The following PAFAH1B1 variants were observed in gnomAD, a reference collection of about 807,000 sequenced individuals.
PAFAH1B1 encodes the protein platelet-activating factor acetylhydrolase IB subunit beta.
In PAFAH1B1, 2 loss-of-function variants were observed where a neutral mutation model predicts 57.5. That is an observed-to-expected ratio of 0.03 (90% CI 0.01 to 0.11). The LOEUF is 0.11. Among genes scored for constraint, PAFAH1B1 ranks in the 10% least tolerant of loss-of-function variants. The probability of loss-of-function intolerance (pLI) is 1.00; values close to 1 mark genes in which losing one functional copy is unlikely to be tolerated. For missense variants in PAFAH1B1, 257 were observed against 512.0 expected, an observed-to-expected ratio of 0.50 and a Z score of 4.81; for synonymous variants, 152 against 169.6, an observed-to-expected ratio of 0.90 and a Z score of 0.81.
At chr17:2,626,445 A>G (rs565116564) in intron 1 of PAFAH1B1, among the ~76,000 whole-genome samples, 2 of 152,048 alleles carry the variant, frequency 1.3e-5, no homozygotes, top group African/African-American at 4.8e-5. Flanking sequence ...ACAGGCTGAA[A>G]TAATCTGAGT....
intron 1 of PAFAH1B1, among the ~76,000 whole-genome samples, chr17:2,610,021 C>T (rs924445922): frequency 6.6e-5 from 10 of 152,152 alleles, no homozygotes; most frequent in African/African-American, 1.2e-4. Flanking sequence ...GGCAGGGTTT[C>T]GCCATGTTGG....
At chr17:2,643,979 C>G (rs2068732694) in intron 2 of PAFAH1B1, among the ~76,000 whole-genome samples, 1 of 152,152 alleles carries the variant, frequency 6.6e-6, no homozygotes, top group African/African-American at 2.4e-5. Flanking sequence ...AGAGATCCTC[C>G]CACGTCAGTC....
chr17:2,645,132 G>A (rs1039315730), intron 2 of PAFAH1B1, among the ~76,000 whole-genome samples: 10 of 151,928 alleles, frequency 6.6e-5, no homozygotes, highest in Admixed American at 5.9e-4. Context: ...CTGTAATCCC[G>A]GCTACTCAGC....
chr17:2,637,201 G>A (rs1421396196), intron 1 of PAFAH1B1, among the ~76,000 whole-genome samples: 1 of 152,098 alleles, frequency 6.6e-6, no homozygotes, highest in Non-Finnish European at 1.5e-5. Flanking sequence ...CATATCATTT[G>A]GAGGATGATT....
intron 2 of PAFAH1B1, among the ~76,000 whole-genome samples, chr17:2,645,900 G>A (rs895881090): frequency 5.3e-5 from 8 of 151,826 alleles, no homozygotes; most frequent in African/African-American, 1.2e-4. Flanking sequence ...CACCACGCCT[G>A]GCCAAATATA....
At chr17:2,629,851 TTTTAACCGCTGTTGC>T (rs1235981786) in intron 1 of PAFAH1B1, among the ~76,000 whole-genome samples, 1 of 152,228 alleles carries the variant, frequency 6.6e-6, no homozygotes, top group Non-Finnish European at 1.5e-5. Flanking sequence ...TCTTTTTCTC[TTTTAACCGCTGTTGC>T]TTTAAAATTT....
intron 1 of PAFAH1B1, among the ~76,000 whole-genome samples, chr17:2,614,950 A>G (rs1269447126): frequency 6.6e-6 from 1 of 152,158 alleles, no homozygotes; most frequent in South Asian, 2.1e-4. Context: ...AAAACAGTCA[A>G]TGTTTGTCCT....
rs374984566 is a variant in PAFAH1B1, at chr17:2,644,268, A to G, written c.32+5948A>G. Among the ~76,000 whole-genome samples, 151 of 152,078 alleles carry G rather than the reference A, an allele frequency of 9.9e-4. 2 individuals carry two copies. The highest frequency in any genetic ancestry group is 3.4e-3 in the African/African-American group (142 of 41,482). On this transcript the variant is annotated intron_variant, in intron 2 of 10. Coordinates refer to ENST00000397195, the MANE Select transcript of PAFAH1B1 (RefSeq NM_000430.4). ...TTTTTAAAACAGTTGTAGGCTGGGCACAGTGACTCATGCCTGTAATCCCAG... is the reference window on the plus strand; with the variant it reads ...TTTTTAAAACAGTTGTAGGCTGGGCGCAGTGACTCATGCCTGTAATCCCAG...
chr17:2,628,205 G>T (rs2068515345), intron 1 of PAFAH1B1, among the ~76,000 whole-genome samples: 1 of 152,106 alleles, frequency 6.6e-6, no homozygotes, highest in South Asian at 2.1e-4. Flanking sequence ...TATTATGTTG[G>T]CTGTGGGTTT....
intron 2 of PAFAH1B1, among the ~76,000 whole-genome samples, chr17:2,663,855 T>C (rs2069055196): frequency 6.6e-6 from 1 of 151,988 alleles, no homozygotes; most frequent in Non-Finnish European, 1.5e-5. Context: ...CCACCACACC[T>C]GGCTAATTTT....
At chr17:2,652,385 A>T (rs1298572559) in intron 2 of PAFAH1B1, among the ~76,000 whole-genome samples, 1 of 152,400 alleles carries the variant, frequency 6.6e-6, no homozygotes, top group South Asian at 2.1e-4. Flanking sequence ...ACTGCACTCC[A>T]GCCTGGGCGG....
In PAFAH1B1 at chr17:2,680,299, G is replaced by C. The variant is rs1308269662; in HGVS notation, c.1138G>C (p.Glu380Gln). ...ATGCATGAAGACCCTCAATGCGCAT[G>C]AACACTTTGTTACCTCCTTGGGTAT... ...KRCMKTLNAH[E>Q]HFVTSLDFHK... Residue 380 changes from glutamate (E) to glutamine (Q), a missense_variant, in exon 10 of 11, where the codon GAA becomes CAA. By Grantham distance (29) the Glu-to-Gln change is conservative. Transcript: ENST00000397195. 4 of 1,614,124 alleles carry C rather than the reference G, an allele frequency of 2.5e-6. No individual in the cohort carries two copies. Among genetic ancestry groups the C allele is most frequent in the Non-Finnish European group, 3.4e-6 (4 of 1,180,000 alleles).
At chr17:2,659,520 CAAAAAAAAAAA>C (rs1162326785) in intron 2 of PAFAH1B1, 3 of 40,152 alleles carry the variant, frequency 7.5e-5, no homozygotes, top group Non-Finnish European at 5.2e-5. Flanking sequence ...ACTGCCTCGC[CAAAAAAAAAAA>C]AAAAAAAAAA....
At chr17:2,606,810 CTTTTTTTTTTTTT>C (rs770011553) in intron 1 of PAFAH1B1, among the ~76,000 whole-genome samples, 2 of 101,712 alleles carry the variant, frequency 2.0e-5, no homozygotes, top group Admixed American at 1.0e-4. Context: ...TGCCTCAGAG[CTTTTTTTTTTTTT>C]TTTTTTTTTT....
intron 1 of PAFAH1B1, among the ~76,000 whole-genome samples, chr17:2,631,139 G>A (rs1041433798): frequency 6.6e-6 from 1 of 152,068 alleles, no homozygotes; most frequent in African/African-American, 2.4e-5. Flanking sequence ...TACTCAGGAG[G>A]CTGAGGCAGG....
chr17:2,630,014 A>G (rs1416683054), intron 1 of PAFAH1B1, among the ~76,000 whole-genome samples: 4 of 152,072 alleles, frequency 2.6e-5, no homozygotes, highest in Admixed American at 2.6e-4. Flanking sequence ...GAGGCTGCAG[A>G]TGGTTGGTGA....
At chr17:2,599,300 C>T (rs1334463392) in intron 1 of PAFAH1B1, among the ~76,000 whole-genome samples, 1 of 152,202 alleles carries the variant, frequency 6.6e-6, no homozygotes, top group Non-Finnish European at 1.5e-5. Context: ...ATATTGCAGT[C>T]ACAGAACTCT....
At chr17:2,675,771 T>A (rs1282848564) in intron 8 of PAFAH1B1, among the ~76,000 whole-genome samples, 1 of 151,864 alleles carries the variant, frequency 6.6e-6, no homozygotes, top group Admixed American at 6.6e-5. Context: ...ATCCCAGGAG[T>A]TCAAAGCTGC....
intron 8 of PAFAH1B1, among the ~76,000 whole-genome samples, chr17:2,675,706 T>C (rs1364758419): frequency 6.6e-6 from 1 of 151,384 alleles, no homozygotes; most frequent in Admixed American, 6.6e-5. Context: ...CTAGGTGTGG[T>C]GGTACACTCC....
Sources: allele counts gnomAD v4.1 joint callset (sites outside exome capture counted in the v4.1 genomes callset), GRCh38; gene constraint gnomAD v4.1.1; transcripts MANE v1.5; gene names NCBI Gene and HGNC (gene_info 2026-07-23, HGNC 2026-07-21).